Variants in GALNT9 observed in about 807,000 individuals in gnomAD.
The protein encoded by GALNT9 is GalNAc transferase 9.
GALNT9 carries 47 observed loss-of-function variants against 63.1 expected under a neutral mutation model. The observed-to-expected ratio is 0.75, with a 90% CI of 0.59 to 0.95. The LOEUF (loss-of-function observed/expected upper bound fraction) is 0.95. Ranked by LOEUF, GALNT9 falls within the 40% of genes least tolerant of loss-of-function variation. GALNT9 has a pLI of 0.00. For missense variants in GALNT9, 829 were observed against 874.8 expected, an observed-to-expected ratio of 0.95 and a Z score of 0.66; for synonymous variants, 396 against 365.7, an observed-to-expected ratio of 1.08 and a Z score of -0.94.
At chr12:132,275,683 GATTTCGTGCAA>G (rs1880055738) in intron 2 of GALNT9, 1 of 152,320 alleles carries the variant, frequency 6.6e-6, no homozygotes, top group South Asian at 2.1e-4. Context: ...AGCCCAGGTG[GATTTCGTGCAA>G]ATGAAACCCA....
intron 1 of GALNT9, among the ~76,000 whole-genome samples, chr12:132,294,298 G>A (rs1182456546): frequency 6.6e-6 from 1 of 152,226 alleles, no homozygotes; most frequent in African/African-American, 2.4e-5. Flanking sequence ...CCCCCAGCCT[G>A]TGCCCCTGAG....
At chr12:132,257,109 C>T (rs1879150153) in intron 5 of GALNT9, among the ~76,000 whole-genome samples, 1 of 152,216 alleles carries the variant, frequency 6.6e-6, no homozygotes, top group African/African-American at 2.4e-5. Context: ...TCAGGGCATC[C>T]AGAGCCTGCC....
rs1555240097 is a variant in GALNT9 at position 132,265,323 on chromosome 12, T to C, written c.420-2698A>G. Among the ~76,000 whole-genome samples, 1 of 152,102 alleles carries C rather than the reference T, an allele frequency of 6.6e-6. No homozygotes were observed. Among genetic ancestry groups the C allele is most frequent in the African/African-American group, 2.4e-5 (1 of 41,426 alleles). On this transcript the variant is annotated intron_variant, in intron 2 of 10. Transcript: ENST00000328957. This position sits in a 1 kb window ranked among gnomAD's most constrained non-coding sequence, Gnocchi z 5.3. ...CTCCCCGTGGAAGCCTTTCCTTCCG[T>C]GGTGGGCTGAACGGTGTCCTCCTCC... is the stretch of plus-strand genomic sequence containing the variant.
At chr12:132,266,552 G>A (rs1879605819) in intron 2 of GALNT9, among the ~76,000 whole-genome samples, 1 of 152,216 alleles carries the variant, frequency 6.6e-6, no homozygotes, top group African/African-American at 2.4e-5. Context: ...GCACGGCCAC[G>A]AGCCCAGGGA....
At chr12:132,222,896 G>GCGCCC (rs1555235645) in intron 6 of GALNT9, among the ~76,000 whole-genome samples, 3 of 7,810 alleles carry the variant, frequency 3.8e-4, no homozygotes, top group Admixed American at 1.1e-3. Context: ...CACACAACCC[G>GCGCCC]CACCCCACAC....
At chr12:132,217,931 T>C (rs1164173046) in intron 6 of GALNT9, among the ~76,000 whole-genome samples, 1 of 143,974 alleles carries the variant, frequency 6.9e-6, no homozygotes, top group African/African-American at 2.6e-5. Flanking sequence ...ACCCATCCAT[T>C]CATCCACCCA....
intron 2 of GALNT9, chr12:132,273,194 C>T (rs1363680317): frequency 6.6e-6 from 1 of 152,438 alleles, no homozygotes; most frequent in Non-Finnish European, 1.5e-5. Context: ...ACAATCTCGG[C>T]TCACTGCAAC....
chr12:132,200,587 GAAACA>G, intron 8 of GALNT9: 1 of 153,264 alleles, frequency 6.5e-6, no homozygotes, highest in Admixed American at 6.5e-5. Flanking sequence ...TGCACTTAGT[GAAACA>G]TACATCTGTG....
chr12:132,305,175 G>A (rs370915459), intron 1 of GALNT9, among the ~76,000 whole-genome samples: 8,098 of 32,776 alleles, frequency 0.25, 2,904 homozygotes, highest in East Asian at 0.97. Context: ...AGCCTCGCCC[G>A]GGCACACGCT....
intron 6 of GALNT9, among the ~76,000 whole-genome samples, chr12:132,210,459 C>T (rs1217565981): frequency 1.3e-5 from 2 of 152,200 alleles, no homozygotes; most frequent in Middle Eastern, 3.2e-3. Context: ...AGGCGAGGCT[C>T]AGACGTCACA....
At chr12:132,291,997 G>A (rs537738939) in intron 1 of GALNT9, among the ~76,000 whole-genome samples, 2 of 152,246 alleles carry the variant, frequency 1.3e-5, no homozygotes, top group African/African-American at 2.4e-5. Context: ...TGCCAGCCAC[G>A]CTCCTGCTTC....
rs60304554 is a variant in GALNT9, at chr12:132,287,067, C to G, written c.239-637G>C. Among the ~76,000 whole-genome samples, 2 of 90,682 alleles carry G rather than the reference C, an allele frequency of 2.2e-5. 1 individual carries two copies. Among genetic ancestry groups the G allele is most frequent in the Non-Finnish European group, 5.5e-5 (2 of 36,288 alleles). The allele number at this position is 90,682 out of a possible 152,430, so 59.5% of individuals were successfully genotyped here. On this transcript the variant is annotated intron_variant, in intron 1 of 10. Transcript: ENST00000328957. ...TGTGACACTGAGTGAGCGCCCCCCC[C>G]CCCCCCCGTGAGCCACAGCCCTCAG...
intron 2 of GALNT9, among the ~76,000 whole-genome samples, chr12:132,268,263 A>AC (rs753775171): frequency 1.3e-5 from 2 of 151,636 alleles, no homozygotes; most frequent in African/African-American, 2.4e-5. Context: ...ATGGACACCC[A>AC]CCCCTACACA....
chr12:132,284,870 G>A (rs1566012878), intron 2 of GALNT9, among the ~76,000 whole-genome samples: 1 of 152,222 alleles, frequency 6.6e-6, no homozygotes, highest in Non-Finnish European at 1.5e-5. Context: ...GCAGCCCGGG[G>A]CGCTCCCTGC....
At position 132,265,751 on chromosome 12, in the gene GALNT9, C is replaced by CTT. The variant is rs1321657813; in HGVS notation, c.420-3128_420-3127dup. On this transcript the variant is annotated intron_variant, in intron 2 of 10. Transcript: ENST00000328957. The surrounding 1 kb of genome is among the most constrained non-coding windows in gnomAD (Gnocchi z 5.3). Reference sequence around the variant, plus strand: ...GTCAGCACCCAAAGCCCACCAAGCTCTTAGCCACACATTCCTGCCTCGGAG... The same window carrying CTT: ...GTCAGCACCCAAAGCCCACCAAGCTCTTTTAGCCACACATTCCTGCCTCGGAG... Among the ~76,000 whole-genome samples, 2 of 152,244 alleles carry CTT rather than the reference C, an allele frequency of 1.3e-5. No individual in the cohort carries two copies. Among genetic ancestry groups the CTT allele is most frequent in the Non-Finnish European group, 2.9e-5 (2 of 68,044 alleles).
In GALNT9 at chr12:132,328,951, G is replaced by A. The variant is rs1869164850; in HGVS notation, c.238+15C>T. On this transcript the variant is annotated intron_variant, in intron 1 of 10. Transcript: ENST00000328957. ...GGCAGGGCTGCCCCCACTCCGCCCC[G>A]GCGCCCCCGCTCACCGTTGAGCTGG... 2 of 1,507,400 alleles carry A rather than the reference G, an allele frequency of 1.3e-6. No individual in the cohort carries two copies. The highest frequency in any genetic ancestry group is 1.8e-6 in the Non-Finnish European group (2 of 1,127,098). The allele number at this position is 1,507,400 out of a possible 1,614,324, so 93.4% of individuals were successfully genotyped here.
rs1483421372 is a variant in GALNT9, at chr12:132,282,169, A to T, written c.419+4081T>A. Among the ~76,000 whole-genome samples the T allele has an allele frequency of 2.1e-5, 3 of 145,354 alleles. No homozygotes were observed. Among genetic ancestry groups the T allele is most frequent in the Non-Finnish European group, 4.5e-5 (3 of 67,086 alleles). On this transcript the variant is annotated intron_variant, in intron 2 of 10. Transcript: ENST00000328957. This position sits in a 1 kb window ranked among gnomAD's most constrained non-coding sequence, Gnocchi z 4.5. ...ACAGAGGAGGAATCAGCTCCACTACAGCAAGCCCAGGCCTGGGGGTCCCTG... is the reference window on the plus strand; with the variant it reads ...ACAGAGGAGGAATCAGCTCCACTACTGCAAGCCCAGGCCTGGGGGTCCCTG...
At chr12:132,320,866 G>A (rs1555246066) in intron 1 of GALNT9, among the ~76,000 whole-genome samples, 1 of 152,212 alleles carries the variant, frequency 6.6e-6, no homozygotes, top group African/African-American at 2.4e-5. Flanking sequence ...GCCCCCCGAG[G>A]CTGTTGCTCC....
At position 132,286,103 on chromosome 12, in the gene GALNT9, G is replaced by A. The variant is rs1479937198; in HGVS notation, c.419+147C>T. On this transcript the variant is annotated intron_variant, in intron 2 of 10. Transcript: ENST00000328957. This position sits in a 1 kb window ranked among gnomAD's most constrained non-coding sequence, Gnocchi z 7.4. ...CGTGGGGGGCGGTCACTTCCCCGGC[G>A]GGCGTGGGGGGCGGTCACTTCCCTG... 12 of 1,039,110 alleles carry A rather than the reference G, an allele frequency of 1.2e-5. No homozygotes were observed. In the Admixed American group the frequency reaches 1.3e-4, roughly 11 times the overall value. 64.4% of individuals were successfully genotyped at this position (1,039,110 alleles called of 1,614,324 possible).
Sources: allele counts gnomAD v4.1 joint callset (sites outside exome capture counted in the v4.1 genomes callset), GRCh38; gene constraint gnomAD v4.1.1; non-coding constraint Gnocchi (gnomAD v3.1); transcripts MANE v1.5; gene names NCBI Gene and HGNC (gene_info 2026-07-23, HGNC 2026-07-21).